Variants in IST1 observed in about 807,000 individuals in gnomAD.
The protein encoded by IST1 is IST1 factor associated with ESCRT-III, also known as IST1 homolog.
A neutral mutation model predicts 37.0 loss-of-function variants in IST1; 23 were observed. The observed-to-expected ratio is 0.62, with a 90% CI of 0.45 to 0.88. The LOEUF (loss-of-function observed/expected upper bound fraction) is 0.88, where lower values mean the gene tolerates loss of function less well. Among genes scored for constraint, IST1 ranks in the 40% least tolerant of loss-of-function variants. IST1 has a pLI of 0.00. For missense variants in IST1, 488 were observed against 445.4 expected, an observed-to-expected ratio of 1.10 and a Z score of -0.86; for synonymous variants, 180 against 161.7, an observed-to-expected ratio of 1.11 and a Z score of -0.86.
Position 71,916,899 on chromosome 16 carries a change from C to T in IST1, c.270-148C>T, listed in dbSNP as rs1000192989. 5.0e-6 allele frequency: 3 copies of T among 606,026 alleles called. No individual in the cohort carries two copies. In the East Asian group the frequency reaches 8.5e-5, roughly 17 times the overall value. 37.5% of individuals were successfully genotyped at this position (606,026 alleles called of 1,614,324 possible). On this transcript the variant is annotated intron_variant, in intron 3 of 9. Coordinates refer to ENST00000378799, the MANE Select transcript of IST1 (RefSeq NM_001270975.2). ...AGTTCCTCCAAAAGTAAAATAAGAT[C>T]ACGAAAATGGCTAGAAGCCTAGAGT...
intron 1 of IST1, among the ~76,000 whole-genome samples, chr16:71,912,529 G>C (rs1214281826): frequency 6.6e-6 from 1 of 152,156 alleles, no homozygotes; most frequent in Non-Finnish European, 1.5e-5. Context: ...GAGCCACCGC[G>C]CCCGGCCTAA....
rs759149015 is a variant in IST1 at position 71,927,824 on chromosome 16, C to G, written c.*11C>G. On this transcript the variant is annotated 3_prime_UTR_variant, in exon 10 of 10. Coordinates refer to ENST00000378799, the MANE Select transcript of IST1 (RefSeq NM_001270975.2). ...AAAAAGAAAACATAGGTCTCTTAAA[C>G]CAGGCAACTTTCACGTTTTGGGAGT... 4 of 1,604,614 alleles carry G rather than the reference C, an allele frequency of 2.5e-6. No individual in the cohort carries two copies. The highest frequency in any genetic ancestry group is 2.6e-6 in the Non-Finnish European group (3 of 1,172,740).
Position 71,915,609 on chromosome 16 carries a change from GCTT to G in IST1, c.-15-11_-15-9del. 1.3e-6 allele frequency: 2 copies of G among 1,568,082 alleles called. No homozygotes were observed. The highest frequency in any genetic ancestry group is 1.7e-6 in the Non-Finnish European group (2 of 1,149,898). On this transcript the variant is annotated splice_polypyrimidine_tract_variant and intron_variant, in intron 1 of 9. Transcript: ENST00000378799. ...ATGTTGACTTGAAAATAGTCATTGT[GCTT>G]CTTCTGTTTCTAGGAGGAACAGCAC... is the stretch of plus-strand genomic sequence containing the variant.
At chr16:71,899,658 C>T (rs961519490) in intron 1 of IST1, among the ~76,000 whole-genome samples, 1 of 148,700 alleles carries the variant, frequency 6.7e-6, no homozygotes, top group Non-Finnish European at 1.5e-5. Flanking sequence ...GGTGGATCAC[C>T]TGAGGTCAGG....
chr16:71,917,212 T>C (rs1000224223), intron 4 of IST1, 78 bp downstream of exon 4: 3 of 824,136 alleles, frequency 3.6e-6, no homozygotes, highest in Middle Eastern at 2.3e-4. Flanking sequence ...TTACTTCTGC[T>C]GATTTGACCA....
intron 1 of IST1, among the ~76,000 whole-genome samples, chr16:71,911,209 C>G (rs1333486319): frequency 6.6e-6 from 1 of 152,104 alleles, no homozygotes; most frequent in Non-Finnish European, 1.5e-5. Flanking sequence ...CCACTGCACT[C>G]CAGCCTGGGT....
At chr16:71,914,678 T>G (rs530765047) in intron 1 of IST1, among the ~76,000 whole-genome samples, 1 of 152,188 alleles carries the variant, frequency 6.6e-6, no homozygotes, top group African/African-American at 2.4e-5. Flanking sequence ...GGAAAACACA[T>G]CTGATGTTTT....
At chr16:71,915,161 A>C (rs990221537) in intron 1 of IST1, among the ~76,000 whole-genome samples, 1 of 152,170 alleles carries the variant, frequency 6.6e-6, no homozygotes, top group Non-Finnish European at 1.5e-5. Context: ...ATTTTCAATT[A>C]TGGGTCTAAA....
At chr16:71,908,777 C>T (rs535791606) in intron 1 of IST1, among the ~76,000 whole-genome samples, 6 of 152,236 alleles carry the variant, frequency 3.9e-5, no homozygotes, top group South Asian at 4.1e-4. Flanking sequence ...TGCTCATTTC[C>T]GGGTTTCAGC....
At position 71,929,715 on chromosome 16, in the gene IST1, T is replaced by C. The variant is rs777075280; in HGVS notation, c.*1902T>C. The C allele has an allele frequency of 1.7e-5, 25 of 1,487,416 alleles. No individual in the cohort carries two copies. The highest frequency in any genetic ancestry group is 1.7e-4 in the Middle Eastern group (1 of 5,788). 92.1% of individuals were successfully genotyped at this position (1,487,416 alleles called of 1,614,324 possible). A position where few individuals can be genotyped will look rare whatever the true frequency, so the allele number is the denominator to read the frequency against. On this transcript the variant is annotated 3_prime_UTR_variant, in exon 10 of 10. Transcript: ENST00000378799. ...AGACAAAAAGAGAAAAGTGAGAAAA[T>C]TGAAATTACTGCTAATAGTGGAGTA...
chr16:71,905,341 A>G lies in IST1; in HGVS notation c.-16+9752A>G, dbSNP rs112023228. ...GAGCCACCATGCCTGGCCGTATACAATTTTTTAGTGGTTGCTCTAGGGGTT... is the reference window on the plus strand; with the variant it reads ...GAGCCACCATGCCTGGCCGTATACAGTTTTTTAGTGGTTGCTCTAGGGGTT... On this transcript the variant is annotated intron_variant, in intron 1 of 9. Coordinates refer to ENST00000378799, the MANE Select transcript of IST1 (RefSeq NM_001270975.2). Among the ~76,000 whole-genome samples the G allele has an allele frequency of 1.0e-3, 148 of 146,998 alleles. 1 individual carries two copies. The highest frequency in any genetic ancestry group is 3.3e-3 in the African/African-American group (129 of 39,646).
At chr16:71,922,206 A>C (rs974004684) in intron 6 of IST1, among the ~76,000 whole-genome samples, 2 of 152,104 alleles carry the variant, frequency 1.3e-5, no homozygotes, top group Middle Eastern at 3.4e-3. Flanking sequence ...TGTACTGCTC[A>C]GACATCCCTA....
At chr16:71,920,606 C>A in intron 4 of IST1, 133 bp from the exon 5 acceptor site, 1 of 627,760 alleles carries the variant, frequency 1.6e-6, no homozygotes, top group South Asian at 1.9e-5. Flanking sequence ...TTAATGCATA[C>A]CCCTTAAGGT....
At chr16:71,917,185 AGGTT>A in intron 4 of IST1, 51 bp downstream of exon 4, 1 of 1,158,408 alleles carries the variant, frequency 8.6e-7, no homozygotes, top group Non-Finnish European at 1.3e-6. Context: ...ATTGTTAGAA[AGGTT>A]GGTTAATATA....
In IST1 at chr16:71,922,532, T is replaced by G; in HGVS notation, c.611T>G (p.Val204Gly). ...ATTGATGTTGGATTCACAGATGATGTGAAGAAAGGAGGCCCTGGAAGAGGA... is the reference window on the plus strand; with the variant it reads ...ATTGATGTTGGATTCACAGATGATGGGAAGAAAGGAGGCCCTGGAAGAGGA... ...DLIDVGFTDD[V>G]KKGGPGRGGS... is the part of the protein sequence containing the mutation. Residue 204 changes from valine (V) to glycine (G), a missense_variant, in exon 7 of 10, where the codon GTG becomes GGG. This residue lies in a region of IST1 where 455 missense variants were observed against 386.2 expected (regional missense o/e 1.18). Transcript: ENST00000378799. 1 of 1,614,150 alleles carries G rather than the reference T, an allele frequency of 6.2e-7. No homozygotes were observed.
At chr16:71,921,811 A>G in intron 6 of IST1, 1 of 222,620 alleles carries the variant, frequency 4.5e-6, no homozygotes, top group Non-Finnish European at 9.1e-6. Context: ...GATAGTGCAC[A>G]GAAAGCTGAG....
chr16:71,913,219 C>A (rs2037396404), intron 1 of IST1, among the ~76,000 whole-genome samples: 1 of 151,906 alleles, frequency 6.6e-6, no homozygotes, highest in African/African-American at 2.4e-5. Context: ...TTTTGCAATC[C>A]CACCAACAGT....
At chr16:71,924,623 T>A (rs765036280) in intron 8 of IST1, 146 bp from the exon 9 acceptor site, 2 of 677,064 alleles carry the variant, frequency 3.0e-6, no homozygotes, top group Non-Finnish European at 5.4e-6. Context: ...TCTACCTGAT[T>A]GGAAAAAATG....
At chr16:71,923,242 G>A in intron 7 of IST1, 46 bp from the exon 8 acceptor site, 2 of 1,133,734 alleles carry the variant, frequency 1.8e-6, no homozygotes, top group Non-Finnish European at 2.6e-6. Context: ...CTTCGAGATT[G>A]CAAACTGGAG....
Sources: allele counts gnomAD v4.1 joint callset (sites outside exome capture counted in the v4.1 genomes callset), GRCh38; gene constraint gnomAD v4.1.1; regional missense constraint gnomAD v4.1.1; transcripts MANE v1.5; gene names NCBI Gene and HGNC (gene_info 2026-07-23, HGNC 2026-07-21).